TNIP3: variants seen among roughly 807,000 people sequenced by gnomAD.
The protein encoded by TNIP3 is TNFAIP3 interacting protein 3.
In TNIP3, 34 loss-of-function variants were observed where a neutral mutation model predicts 54.1. The ratio of observed to expected loss-of-function variants is 0.63; its 90% CI spans 0.48 to 0.84. The LOEUF is 0.84. TNIP3 is among the 40% of genes least tolerant of loss of function. TNIP3 has a pLI of 0.00. For synonymous variants in TNIP3, 134 were observed against 136.8 expected, an observed-to-expected ratio of 0.98 and a Z score of 0.14; for missense variants, 366 against 387.6, an observed-to-expected ratio of 0.94 and a Z score of 0.47.
intron 3 of TNIP3, among the ~76,000 whole-genome samples, chr4:121,176,888 C>G (rs759076322): frequency 1.2e-4 from 19 of 152,208 alleles, no homozygotes; most frequent in Non-Finnish European, 2.2e-4. Context: ...GAACTTGTCC[C>G]CAGCCACTGG....
chr4:121,210,113 T>G (rs1726399746), intron 2 of TNIP3, among the ~76,000 whole-genome samples: 2 of 152,202 alleles, frequency 1.3e-5, no homozygotes, highest in Admixed American at 1.3e-4. Context: ...GTGGATGCTC[T>G]TCACTTCTAA....
chr4:121,172,573 T>G (rs1359092222), intron 3 of TNIP3, among the ~76,000 whole-genome samples: 2 of 152,232 alleles, frequency 1.3e-5, no homozygotes, highest in Non-Finnish European at 1.5e-5. Context: ...GAATTTCAGA[T>G]AGACAACAAT....
At chr4:121,134,120 A>G (rs1201319580) in intron 10 of TNIP3, among the ~76,000 whole-genome samples, 1 of 152,246 alleles carries the variant, frequency 6.6e-6, no homozygotes, top group Admixed American at 6.5e-5. Context: ...AAAGCTAATC[A>G]TAATATTTAG....
intron 3 of TNIP3, among the ~76,000 whole-genome samples, chr4:121,178,797 T>A (rs926793298): frequency 6.6e-6 from 1 of 152,262 alleles, no homozygotes; most frequent in Non-Finnish European, 1.5e-5. Flanking sequence ...TGTTTACTAC[T>A]GTTGCTTTCT....
chr4:121,187,577 A>G (rs1725087755), intron 2 of TNIP3, among the ~76,000 whole-genome samples: 1 of 152,156 alleles, frequency 6.6e-6, no homozygotes, highest in African/African-American at 2.4e-5. Flanking sequence ...ATTTCCAAAG[A>G]ATTTGTTTTA....
chr4:121,137,840 G>C, intron 10 of TNIP3: 3 of 405,130 alleles, frequency 7.4e-6, no homozygotes, highest in South Asian at 3.6e-5. Context: ...TAACAAGTTA[G>C]AGTCCCAGGT....
chr4:121,216,331 A>T, intron 2 of TNIP3: 1 of 1,180,620 alleles, frequency 8.5e-7, no homozygotes, highest in Non-Finnish European at 1.2e-6. Flanking sequence ...TACTCTTAAT[A>T]CACTATCATT....
At chr4:121,198,069 G>A (rs749775265) in intron 2 of TNIP3, among the ~76,000 whole-genome samples, 4 of 151,828 alleles carry the variant, frequency 2.6e-5, no homozygotes, top group East Asian at 1.9e-4. Context: ...TAGAGGATGC[G>A]GATAATAGAT....
chr4:121,141,004 C>T (rs1729086808), intron 9 of TNIP3, among the ~76,000 whole-genome samples: 1 of 152,188 alleles, frequency 6.6e-6, no homozygotes, highest in Non-Finnish European at 1.5e-5. Flanking sequence ...ATCATGTTCT[C>T]TGTAAGCATT....
chr4:121,199,782 G>A lies in TNIP3; in HGVS notation c.68+16633C>T, dbSNP rs573868215. ...TCAGATAAGAAAGGAAACCAAGGAA[G>A]CCTAATCTTTTCAAGTGGCATCAGA... On this transcript the variant is annotated intron_variant, in intron 2 of 12. Coordinates refer to the TNIP3 transcript ENST00000507879. 4.5e-4 allele frequency among the ~76,000 whole-genome samples: 68 copies of A among 152,274 alleles called. 1 individual carries two copies. The South Asian group carries it at 0.014, about 31-fold the overall frequency.
intron 2 of TNIP3, among the ~76,000 whole-genome samples, chr4:121,185,914 T>C (rs1724989817): frequency 6.6e-6 from 1 of 152,248 alleles, no homozygotes; most frequent in South Asian, 2.1e-4. Context: ...CAGTCATCAC[T>C]GTTAAAATTG....
At chr4:121,152,382 TTATATC>T (rs1241329852) in intron 5 of TNIP3, among the ~76,000 whole-genome samples, 2 of 152,204 alleles carry the variant, frequency 1.3e-5, no homozygotes, top group African/African-American at 2.4e-5. Flanking sequence ...ACTCATCACT[TTATATC>T]TATACTTTTA....
At chr4:121,192,143 CAG>C in intron 2 of TNIP3, among the ~76,000 whole-genome samples, 1 of 152,042 alleles carries the variant, frequency 6.6e-6, no homozygotes, top group Non-Finnish European at 1.5e-5. Flanking sequence ...TCTACCTCAC[CAG>C]AGTCTTTTAA....
chr4:121,154,451 G>A (rs1729954247), intron 5 of TNIP3, 100 bp downstream of exon 5: 1 of 1,440,422 alleles, frequency 6.9e-7, no homozygotes, highest in South Asian at 1.2e-5. Context: ...CTCCAAGGCT[G>A]GGACCCACAC....
At chr4:121,227,403 T>C in exon 1 of TNIP3, 3 of 1,535,180 alleles carry the variant, frequency 2.0e-6, no homozygotes, top group Non-Finnish European at 2.6e-6. Flanking sequence ...ATCCTGAAAG[T>C]CCTTCTCAGA....
At chr4:121,211,205 A>G (rs1277358080) in intron 2 of TNIP3, among the ~76,000 whole-genome samples, 1 of 152,206 alleles carries the variant, frequency 6.6e-6, no homozygotes, top group Non-Finnish European at 1.5e-5. Context: ...TTAAATAATT[A>G]TGATCCAATT....
At chr4:121,180,381 C>T (rs992131699) in intron 3 of TNIP3, among the ~76,000 whole-genome samples, 1 of 151,698 alleles carries the variant, frequency 6.6e-6, no homozygotes, top group African/African-American at 2.4e-5. Flanking sequence ...GCCTGGGCGA[C>T]AGAGCGAGAC....
chr4:121,137,991 C>G, intron 10 of TNIP3: 1 of 455,894 alleles, frequency 2.2e-6, no homozygotes, highest in Non-Finnish European at 4.4e-6. Context: ...ACCATAGAAA[C>G]AAGCAGTAGA....
chr4:121,170,630 A>C (rs2148820955), intron 3 of TNIP3, among the ~76,000 whole-genome samples: 1 of 152,082 alleles, frequency 6.6e-6, no homozygotes, highest in African/African-American at 2.4e-5. Context: ...AAATAATATA[A>C]ATAATTAGAT....
Sources: allele counts gnomAD v4.1 joint callset (sites outside exome capture counted in the v4.1 genomes callset), GRCh38; gene constraint gnomAD v4.1.1; transcripts MANE v1.5; gene names NCBI Gene and HGNC (gene_info 2026-07-23, HGNC 2026-07-21).